The following MAP2 variants were observed in gnomAD, a reference collection of about 807,000 sequenced individuals.
MAP2 encodes the protein microtubule associated protein 2, also known as microtubule-associated protein 2.
A neutral mutation model predicts 137.6 loss-of-function variants in MAP2; 14 were observed. The observed-to-expected ratio is 0.10, with a 90% CI of 0.07 to 0.16. MAP2 has a LOEUF of 0.16. Ranked by LOEUF, MAP2 falls within the 10% of genes least tolerant of loss-of-function variation. The pLI is 1.00. For synonymous variants in MAP2, 786 were observed against 782.3 expected (o/e 1.00, Z -0.08); for missense variants, 2,088 against 2,191.5 (o/e 0.95, Z 0.94).
chr2:209,668,380 A>G lies in MAP2; in HGVS notation c.263-10192A>G, dbSNP rs189707561. 5.3e-3 allele frequency among the ~76,000 whole-genome samples: 801 copies of G among 152,156 alleles called. 14 individuals carry two copies. The highest frequency in any genetic ancestry group is 0.018 in the African/African-American group (750 of 41,562). ...AACAAACGCCCCAGAGATATTTTCT[A>G]AAGATTTGTATGCTATTTGCAAATT... On this transcript the variant is annotated intron_variant, in intron 5 of 15. Transcript: ENST00000682079.
intron 1 of MAP2, among the ~76,000 whole-genome samples, chr2:209,440,656 G>GT (rs1020396675): frequency 2.6e-5 from 4 of 151,290 alleles, no homozygotes; most frequent in South Asian, 2.1e-4. Flanking sequence ...GGACAGGTAA[G>GT]TTTTTTTTGT....
intron 3 of MAP2, among the ~76,000 whole-genome samples, chr2:209,613,438 G>A (rs10048829): frequency 0.046 from 7,068 of 152,116 alleles, 229 homozygotes; most frequent in African/African-American, 0.092. Flanking sequence ...GTAGTCCTTC[G>A]TTAAGAAAGT....
At chr2:209,712,196 T>C (rs978527920) in intron 13 of MAP2, among the ~76,000 whole-genome samples, 4 of 152,168 alleles carry the variant, frequency 2.6e-5, no homozygotes, top group African/African-American at 9.6e-5. Flanking sequence ...TGATTCTTTA[T>C]CATATCTGGT....
chr2:209,733,269 A>T lies in MAP2; in HGVS notation c.*2872A>T, dbSNP rs900460866. 1.3e-5 allele frequency: 2 copies of T among 152,628 alleles called. No individual in the cohort carries two copies. The highest frequency in any genetic ancestry group is 2.9e-5 in the Non-Finnish European group (2 of 68,036). 9.5% of individuals were successfully genotyped at this position (152,628 alleles called of 1,614,324 possible). On this transcript the variant is annotated 3_prime_UTR_variant, in exon 16 of 16. Transcript: ENST00000682079. ...GATGCAGGAAAGACCCGAGTTCATG[A>T]TGAGTTTCAAAGGCCACGTTCATTT... is the stretch of plus-strand genomic sequence containing the variant.
At chr2:209,601,366 A>C (rs1459098146) in intron 3 of MAP2, among the ~76,000 whole-genome samples, 1 of 152,116 alleles carries the variant, frequency 6.6e-6, no homozygotes, top group Admixed American at 6.6e-5. Flanking sequence ...TACATCTTAC[A>C]TAAAAATAAA....
intron 1 of MAP2, among the ~76,000 whole-genome samples, chr2:209,490,762 A>G (rs1211267128): frequency 3.3e-5 from 5 of 152,128 alleles, no homozygotes; most frequent in Non-Finnish European, 7.3e-5. Context: ...TATCCTAAAT[A>G]TATATGCACC....
chr2:209,459,426 T>C (rs1702252411), intron 1 of MAP2, among the ~76,000 whole-genome samples: 1 of 152,148 alleles, frequency 6.6e-6, no homozygotes, highest in Non-Finnish European at 1.5e-5. Context: ...CTGGGACCAC[T>C]AGATACCCCC....
chr2:209,629,084 A>G (rs2092712920), intron 4 of MAP2, among the ~76,000 whole-genome samples: 1 of 152,228 alleles, frequency 6.6e-6, no homozygotes, highest in African/African-American at 2.4e-5. Flanking sequence ...TGCAAGCCAT[A>G]ATGTATAATA....
chr2:209,504,447 A>C (rs926566467), intron 1 of MAP2, among the ~76,000 whole-genome samples: 3 of 152,172 alleles, frequency 2.0e-5, no homozygotes, highest in Non-Finnish European at 4.4e-5. Flanking sequence ...TGAGGCCTAA[A>C]ACTTGCAAGC....
rs185956636 is a variant in MAP2 at position 209,699,665 on chromosome 2, C to T, written c.4523-612C>T. Among the ~76,000 whole-genome samples the T allele has an allele frequency of 1.1e-3, 172 of 152,234 alleles. 2 individuals are homozygous for T. The highest frequency in any genetic ancestry group is 1.8e-3 in the Non-Finnish European group (123 of 67,990). ...TATTTACTGAACTTAAATTTTCTCT[C>T]GTGTTTTCTGTTCTTGACAAGCTAT... On this transcript the variant is annotated intron_variant, in intron 10 of 15. Transcript: ENST00000682079.
intron 1 of MAP2, among the ~76,000 whole-genome samples, chr2:209,477,453 AT>A (rs376929198): frequency 6.6e-6 from 1 of 151,926 alleles, no homozygotes; most frequent in Non-Finnish European, 1.5e-5. Context: ...TTTTCTTTCC[AT>A]TGCTTTAGCC....
At chr2:209,729,757 G>T in intron 14 of MAP2, 93 bp from the exon 15 acceptor site, 1 of 721,572 alleles carries the variant, frequency 1.4e-6, no homozygotes, top group South Asian at 1.7e-5. Flanking sequence ...ATAAATTTGT[G>T]GTTTGCCGTA....
chr2:209,703,442 A>T (rs1380933543), intron 11 of MAP2, among the ~76,000 whole-genome samples: 2 of 152,098 alleles, frequency 1.3e-5, no homozygotes, highest in Admixed American at 6.6e-5. Flanking sequence ...AGCAGATAGG[A>T]TATTGAAAGA....
intron 3 of MAP2, among the ~76,000 whole-genome samples, chr2:209,580,805 T>G (rs1177388572): frequency 1.3e-5 from 2 of 152,220 alleles, no homozygotes; most frequent in African/African-American, 4.8e-5. Context: ...CATCAGGATA[T>G]ATATTGATTT....
intron 1 of MAP2, among the ~76,000 whole-genome samples, chr2:209,499,857 T>C (rs1040848824): frequency 2.6e-5 from 4 of 152,130 alleles, no homozygotes; most frequent in African/African-American, 9.7e-5. Flanking sequence ...CTCACTATCA[T>C]GAAGACAGCA....
intron 1 of MAP2, among the ~76,000 whole-genome samples, chr2:209,480,460 A>G (rs1209117191): frequency 2.0e-5 from 3 of 152,182 alleles, no homozygotes; most frequent in Non-Finnish European, 4.4e-5. Context: ...TTTAAAGATG[A>G]TTACAAGCTA....
intron 1 of MAP2, among the ~76,000 whole-genome samples, chr2:209,462,429 A>G (rs1376944213): frequency 6.6e-6 from 1 of 152,178 alleles, no homozygotes; most frequent in African/African-American, 2.4e-5. Context: ...AAAATATTGG[A>G]CCAGAGGTTT....
chr2:209,688,962 G>A (rs1242217223), intron 7 of MAP2, among the ~76,000 whole-genome samples: 1 of 152,076 alleles, frequency 6.6e-6, no homozygotes, highest in African/African-American at 2.4e-5. Flanking sequence ...GTGAAACTAA[G>A]TTCTTCTAAA....
chr2:209,485,861 G>C (rs1306134708), intron 1 of MAP2, among the ~76,000 whole-genome samples: 1 of 152,198 alleles, frequency 6.6e-6, no homozygotes, highest in Admixed American at 6.5e-5. Context: ...GGATCTGTTA[G>C]TTGGAAATGT....
Sources: allele counts gnomAD v4.1 joint callset (sites outside exome capture counted in the v4.1 genomes callset), GRCh38; gene constraint gnomAD v4.1.1; transcripts MANE v1.5; gene names NCBI Gene and HGNC (gene_info 2026-07-23, HGNC 2026-07-21).